CTSH: variants seen among roughly 807,000 people sequenced by gnomAD.
CTSH encodes the protein cathepsin H, also known as pro-cathepsin H.
CTSH carries 52 observed loss-of-function variants against 56.3 expected under a neutral mutation model. The observed-to-expected ratio is 0.92, with a 90% CI of 0.74 to 1.16. The LOEUF (loss-of-function observed/expected upper bound fraction) is 1.16. Ranked by LOEUF, CTSH falls within the 50% of genes most tolerant of loss-of-function variation. CTSH has a pLI of 0.00. For synonymous variants in CTSH, 174 were observed against 155.7 expected (o/e 1.12, Z -0.88); for missense variants, 406 against 424.5 (o/e 0.96, Z 0.38).
At chr15:78,937,692 C>T in intron 2 of CTSH, 1 of 1,377,970 alleles carries the variant, frequency 7.3e-7, no homozygotes, top group Middle Eastern at 2.3e-4. Flanking sequence ...AAACCTGCCA[C>T]ATGTGGGGCA....
intron 2 of CTSH, chr15:78,937,851 T>C (rs1287649412): frequency 7.9e-7 from 1 of 1,266,466 alleles, no homozygotes; most frequent in Admixed American, 2.3e-5. Context: ...TAATTTTTTA[T>C]TGATATATAA....
chr15:78,931,708 G>A, intron 6 of CTSH: 2 of 1,449,984 alleles, frequency 1.4e-6, no homozygotes, highest in Non-Finnish European at 1.8e-6. Context: ...CATGTCGGGA[G>A]GGGCTCAGTA....
intron 3 of CTSH, 46 bp downstream of exon 3, chr15:78,937,272 C>G: frequency 3.9e-6 from 6 of 1,537,158 alleles, no homozygotes; most frequent in Non-Finnish European, 5.4e-6. Flanking sequence ...TGGGCTGGGT[C>G]ACTAACTGAC....
At chr15:78,936,522 G>T (rs563210315) in intron 3 of CTSH, among the ~76,000 whole-genome samples, 44 of 152,210 alleles carry the variant, frequency 2.9e-4, no homozygotes, top group African/African-American at 1.0e-3. Flanking sequence ...CAGAAATGAG[G>T]TTCAAGCCCA....
chr15:78,939,020 A>G, intron 2 of CTSH, 120 bp downstream of exon 2: 2 of 873,190 alleles, frequency 2.3e-6, no homozygotes, highest in Non-Finnish European at 3.7e-6. Flanking sequence ...TTCTGGAAAG[A>G]CCCCACTAGG....
chr15:78,934,487 G>A (rs1404051518), intron 5 of CTSH, among the ~76,000 whole-genome samples: 2 of 152,224 alleles, frequency 1.3e-5, no homozygotes, highest in African/African-American at 4.8e-5. Context: ...ACCTTGCCAA[G>A]CCCTCTGTGC....
chr15:78,936,183 T>TC (rs749104389), intron 3 of CTSH, among the ~76,000 whole-genome samples: 2 of 94,864 alleles, frequency 2.1e-5, no homozygotes, highest in Non-Finnish European at 3.8e-5. Flanking sequence ...TTCTTTTCTT[T>TC]TTTTTTTTTT....
chr15:78,929,566 G>A (rs2055001844), intron 7 of CTSH, 73 bp from the exon 8 acceptor site: 5 of 1,043,834 alleles, frequency 4.8e-6, no homozygotes, highest in Middle Eastern at 2.1e-4. Flanking sequence ...GGACTGGCGT[G>A]GCGAGATATC....
chr15:78,944,881 CT>C lies in CTSH; in HGVS notation c.91+9del. The C allele has an allele frequency of 6.5e-7, 1 of 1,545,860 alleles. No homozygotes were observed. The highest frequency in any genetic ancestry group is 2.5e-5 in the East Asian group (1 of 40,598). Reference sequence around the variant, plus strand: ...CTAGCACCCTCTCGGGCGGCGCGCCCTCTGCGTACCTAAGGAGTTCACGCAC... The same window carrying C: ...CTAGCACCCTCTCGGGCGGCGCGCCCCTGCGTACCTAAGGAGTTCACGCAC... On this transcript the variant is annotated intron_variant, in intron 1 of 11. Transcript: ENST00000220166.
chr15:78,926,081 A>G (rs1395706958), intron 9 of CTSH: 1 of 152,390 alleles, frequency 6.6e-6, no homozygotes, highest in Non-Finnish European at 1.5e-5. Context: ...GGTCCCAGGC[A>G]TTGGCACTTT....
chr15:78,935,095 AAC>A lies in CTSH; in HGVS notation c.301-15_301-14del. 1 of 1,569,524 alleles carries A rather than the reference AAC, an allele frequency of 6.4e-7. No individual in the cohort carries two copies. The highest frequency in any genetic ancestry group is 1.4e-5 in the African/African-American group (1 of 73,998). ...TGGCTGAGCAATTCTGGAACAACCA[AAC>A]ACATTATTTTCAGGAAAATAAACAA... On this transcript the variant is annotated splice_polypyrimidine_tract_variant and intron_variant, in intron 4 of 11. Transcript: ENST00000220166.
In CTSH at chr15:78,932,396, G is replaced by A. The variant is rs747505120; in HGVS notation, c.468C>T (p.Ile156=). 5 of 1,614,104 alleles carry A rather than the reference G, an allele frequency of 3.1e-6. No homozygotes were observed. The highest frequency in any genetic ancestry group is 1.7e-4 in the Middle Eastern group (1 of 6,060). The change falls in exon 6 of 12, where the codon ATC becomes ATT. Residue 156 remains isoleucine, a synonymous_variant. Transcript: ENST00000220166. ...CCAAGGACAGCATCTTTCCGGTTGC[G>A]ATGGCGATCGCAGACTCCAGGGCCC... ...TTGALESAIA[I]ATGKMLSLAE...
Position 78,937,331 on chromosome 15 carries a change from G to C in CTSH, c.216C>G (p.Asn72Lys). 1 of 1,613,698 alleles carries C rather than the reference G, an allele frequency of 6.2e-7. No individual in the cohort carries two copies. The highest frequency in any genetic ancestry group is 8.5e-7 in the Non-Finnish European group (1 of 1,179,696). The part of the protein sequence containing the change: ...WRKINAHNNG[N>K]HTFKMALNQF... ...CGTTCCACGTACTTTTAAATGTGTG[G>C]TTCCCATTGTTGTGGGCGTTTATCT... is the stretch of plus-strand genomic sequence containing the variant. Residue 72 changes from asparagine (N) to lysine (K), a missense_variant, in exon 3 of 12, where the codon AAC becomes AAG. Coordinates refer to ENST00000220166, the MANE Select transcript of CTSH (RefSeq NM_004390.5).
At chr15:78,924,020 T>C (rs1436550709) in intron 10 of CTSH, among the ~76,000 whole-genome samples, 4 of 147,094 alleles carry the variant, frequency 2.7e-5, no homozygotes, top group African/African-American at 7.5e-5. Flanking sequence ...AAGAGGCTGC[T>C]TCTCTACAGT....
rs1453457160 is a variant in CTSH at position 78,925,506 on chromosome 15, C to T, written c.700-66G>A. ...CCTCCCCACTCCTTTCACAGTACAG[C>T]CTTTTGCCTCAAGCTAGGGGCTAGA... On this transcript the variant is annotated intron_variant, in intron 9 of 11. Transcript: ENST00000220166. 3.6e-6 allele frequency: 4 copies of T among 1,122,852 alleles called. No homozygotes were observed. In the Admixed American group the frequency reaches 5.5e-5, roughly 15 times the overall value. The allele number at this position is 1,122,852 out of a possible 1,614,324, so 69.6% of individuals were successfully genotyped here. A position where few individuals can be genotyped will look rare whatever the true frequency, so the allele number is the denominator to read the frequency against.
At chr15:78,931,706 G>A in intron 6 of CTSH, 200 bp from the exon 7 acceptor site, 2 of 1,451,066 alleles carry the variant, frequency 1.4e-6, no homozygotes, top group South Asian at 1.4e-5. Flanking sequence ...CACATGTCGG[G>A]AGGGGCTCAG....
At position 78,937,334 on chromosome 15, in the gene CTSH, C is replaced by T. The variant is rs2055197024; in HGVS notation, c.213G>A (p.Gly71=). ...NWRKINAHNN[G]NHTFKMALNQ... is the part of the protein sequence containing the mutation. ...TCCACGTACTTTTAAATGTGTGGTT[C>T]CCATTGTTGTGGGCGTTTATCTTCC... The change falls in exon 3 of 12, where the codon GGG becomes GGA. Residue 71 remains glycine (G), a synonymous_variant. Coordinates refer to ENST00000220166, the MANE Select transcript of CTSH (RefSeq NM_004390.5). 1.9e-6 allele frequency: 3 copies of T among 1,613,782 alleles called. No individual in the cohort carries two copies. The highest frequency in any genetic ancestry group is 1.7e-4 in the Middle Eastern group (1 of 6,002).
intron 9 of CTSH, 108 bp downstream of exon 9, chr15:78,927,605 T>A: frequency 2.2e-6 from 2 of 925,016 alleles, no homozygotes; most frequent in Non-Finnish European, 3.5e-6. Context: ...GTCAAAGGGA[T>A]GTGCTGCCAG....
intron 10 of CTSH, among the ~76,000 whole-genome samples, chr15:78,925,017 C>T (rs2054872070): frequency 6.6e-6 from 1 of 151,856 alleles, no homozygotes; most frequent in African/African-American, 2.4e-5. Flanking sequence ...TTTTTTTAAA[C>T]TGGAGGCAAC....
Sources: gnomAD v4.1 joint callset for allele counts (sites outside exome capture counted in the v4.1 genomes callset) on GRCh38, gnomAD v4.1.1 for gene constraint, MANE v1.5 for transcripts, NCBI Gene and HGNC (gene_info 2026-07-23, HGNC 2026-07-21) for gene names.